The following NBPF3 variants were observed in gnomAD, a reference collection of about 807,000 sequenced individuals.
NBPF3 encodes NBPF member 3.
Under a neutral mutation model 78.1 loss-of-function variants are expected in NBPF3, and 57 were observed. The ratio of observed to expected loss-of-function variants is 0.73; its 90% CI spans 0.59 to 0.91. The LOEUF is 0.91. NBPF3 is among the 40% of genes least tolerant of loss of function. NBPF3 has a pLI of 0.00. For missense variants in NBPF3, 510 were observed against 715.3 expected (o/e 0.71, Z 3.27); for synonymous variants, 182 against 271.7 (o/e 0.67, Z 3.25).
At chr1:21,446,972 A>G (rs1428872527) in intron 2 of NBPF3, among the ~76,000 whole-genome samples, 3 of 152,270 alleles carry the variant, frequency 2.0e-5, no homozygotes, top group Non-Finnish European at 4.4e-5. Flanking sequence ...GGTAAATGGC[A>G]CAGGCCTTGA....
At chr1:21,457,167 C>CATGT (rs138012048) in intron 2 of NBPF3, among the ~76,000 whole-genome samples, 1 of 149,680 alleles carries the variant, frequency 6.7e-6, no homozygotes. Flanking sequence ...TGGTGGCTCA[C>CATGT]GTGTGTGTGT....
chr1:21,474,875 C>T (rs1216500544), intron 7 of NBPF3, 25 bp from the exon 8 acceptor site: 1 of 1,592,050 alleles, frequency 6.3e-7, no homozygotes, highest in African/African-American at 1.3e-5. Flanking sequence ...CTTAATGTGA[C>T]CTGCTTCTCT....
At chr1:21,469,339 A>C (rs991604255) in intron 3 of NBPF3, among the ~76,000 whole-genome samples, 2 of 152,120 alleles carry the variant, frequency 1.3e-5, no homozygotes, top group African/African-American at 4.8e-5. Flanking sequence ...CCTGAGGAAA[A>C]CTTGGTGATA....
intron 2 of NBPF3, among the ~76,000 whole-genome samples, chr1:21,459,040 A>G (rs1273977935): frequency 6.6e-6 from 1 of 152,236 alleles, no homozygotes; most frequent in African/African-American, 2.4e-5. Flanking sequence ...AATACATGCA[A>G]TGAAGCGGGT....
intron 10 of NBPF3, among the ~76,000 whole-genome samples, chr1:21,479,605 A>G (rs1332273352): frequency 3.3e-5 from 5 of 152,180 alleles, no homozygotes; most frequent in African/African-American, 1.2e-4. Context: ...AACCTAGTGA[A>G]GGTTGACCAT....
chr1:21,479,802 C>A (rs1226372359), intron 10 of NBPF3, among the ~76,000 whole-genome samples: 5 of 64,312 alleles, frequency 7.8e-5, no homozygotes, highest in Non-Finnish European at 2.0e-4. Flanking sequence ...ATCTCTCTCT[C>A]TCTCTCTCTC....
At chr1:21,469,316 C>G (rs1340926829) in intron 3 of NBPF3, among the ~76,000 whole-genome samples, 1 of 152,196 alleles carries the variant, frequency 6.6e-6, no homozygotes, top group African/African-American at 2.4e-5. Flanking sequence ...AGGCAAAGCT[C>G]TGTTCTGGGG....
intron 3 of NBPF3, among the ~76,000 whole-genome samples, chr1:21,470,024 A>ACT (rs10632199): frequency 0.73 from 110,609 of 152,012 alleles, 41,031 homozygotes; most frequent in South Asian, 0.9. Context: ...CAGAGTTAAC[A>ACT]CTCTGTTAGT....
upstream of NBPF3, among the ~76,000 whole-genome samples, chr1:21,438,903 C>T (rs533070374): frequency 6.6e-5 from 10 of 152,170 alleles, no homozygotes; most frequent in Non-Finnish European, 1.2e-4. Context: ...CAAATTAGTG[C>T]GAAGGCAGAG....
chr1:21,436,906 G>A (rs1640437628), upstream of NBPF3: 4 of 414,806 alleles, frequency 9.6e-6, no homozygotes, highest in African/African-American at 2.1e-5. The surrounding 1 kb of genome is among the most constrained non-coding windows in gnomAD (Gnocchi z 4.3). Flanking sequence ...GGGGAGGTCC[G>A]GCGGAGGAGT....
At position 21,482,120 on chromosome 1, in the gene NBPF3, T is replaced by C. The variant is rs2261576; in HGVS notation, c.1606+351T>C. On this transcript the variant is annotated intron_variant, in intron 13 of 14. Coordinates refer to ENST00000318249, the MANE Select transcript of NBPF3 (RefSeq NM_032264.6). Reference sequence around the variant, plus strand: ...TTTCAGTGTCTAAAATCCTCACAACTATGAACAATCTGAGTATTTGATGAG... The same window carrying C: ...TTTCAGTGTCTAAAATCCTCACAACCATGAACAATCTGAGTATTTGATGAG... Among the ~76,000 whole-genome samples, 39 of 150,820 alleles carry C rather than the reference T, an allele frequency of 2.6e-4. 2 individuals carry two copies. The highest frequency in any genetic ancestry group is 3.3e-4 in the Non-Finnish European group (22 of 67,676).
In NBPF3 at chr1:21,468,760, C is replaced by A; in HGVS notation, c.206C>A (p.Ala69Glu). ...GCCGGCCCTTGGTCCGGTGAGAAGG[C>A]AGAGATGAACATTCTAGAAATCAAC... ...VSAGPWSGEK[A>E]EMNILEINKK... is the part of the protein sequence containing the mutation. Residue 69 changes from alanine to glutamate, a missense_variant, in exon 3 of 15, where the codon GCA becomes GAA. Physicochemically the swap from Ala to Glu is moderately radical, Grantham distance 107 (BLOSUM62 -1). This residue lies in a region of NBPF3 where 440 missense variants were observed against 478.2 expected (regional missense o/e 0.92). Transcript: ENST00000318249. 6.2e-7 allele frequency: 1 copy of A among 1,613,796 alleles called. No homozygotes were observed.
chr1:21,463,637 T>C (rs1409604246), intron 2 of NBPF3, among the ~76,000 whole-genome samples: 1 of 152,200 alleles, frequency 6.6e-6, no homozygotes, highest in African/African-American at 2.4e-5. Context: ...ACTTATATGC[T>C]TCAAAGGACA....
chr1:21,443,987 T>C (rs1640815840), intron 1 of NBPF3, among the ~76,000 whole-genome samples: 1 of 152,230 alleles, frequency 6.6e-6, no homozygotes, highest in African/African-American at 2.4e-5. Flanking sequence ...TATTTATGAA[T>C]ATAGTATTCA....
At chr1:21,477,752 A>T (rs547787110) in intron 8 of NBPF3, among the ~76,000 whole-genome samples, 22 of 152,362 alleles carry the variant, frequency 1.4e-4, no homozygotes, top group African/African-American at 5.1e-4. Flanking sequence ...GACCCTTAAT[A>T]CACAAGATCT....
chr1:21,479,385 A>C lies in NBPF3; in HGVS notation c.1193A>C (p.Glu398Ala). The C allele has an allele frequency of 3.7e-6, 6 of 1,611,152 alleles. No individual in the cohort carries two copies. Among genetic ancestry groups the C allele is most frequent in the Non-Finnish European group, 5.1e-6 (6 of 1,178,498 alleles). Residue 398 changes from glutamate to alanine, a missense_variant, in exon 10 of 15, where the codon GAG becomes GCG. Transcript: ENST00000318249. ...WCDQVKKEDQEATSPRLSREL... is the reference protein window; with the variant it reads ...WCDQVKKEDQAATSPRLSREL... ...GATCAAGTGAAAAAGGAGGACCAAG[A>C]GGCCACAAGTCCCAGGTGAGTCTGA...
intron 2 of NBPF3, chr1:21,468,279 C>A: frequency 1.9e-6 from 1 of 526,974 alleles, no homozygotes; most frequent in Non-Finnish European, 2.7e-6. Context: ...CACAAGGGTA[C>A]ACGAACACTG....
chr1:21,445,348 T>A, intron 2 of NBPF3, 129 bp downstream of exon 2: 3 of 1,043,278 alleles, frequency 2.9e-6, no homozygotes, highest in Non-Finnish European at 4.2e-6. Flanking sequence ...AAACAGATAT[T>A]AAATACGTAT....
chr1:21,481,421 A>C (rs1270774085), intron 12 of NBPF3, among the ~76,000 whole-genome samples, 176 bp from the exon 13 acceptor site: 2 of 149,450 alleles, frequency 1.3e-5, no homozygotes, highest in African/African-American at 5.0e-5. Flanking sequence ...TTTCTCTTTC[A>C]TTCTTTTCTG....
Sources: gnomAD v4.1 joint callset for allele counts (sites outside exome capture counted in the v4.1 genomes callset) on GRCh38, gnomAD v4.1.1 for gene constraint, gnomAD v4.1.1 regional missense constraint, Gnocchi (gnomAD v3.1) non-coding constraint, MANE v1.5 for transcripts, NCBI Gene and HGNC (gene_info 2026-07-23, HGNC 2026-07-21) for gene names.